Variants in CCDC181 observed in about 807,000 individuals in gnomAD.
CCDC181 encodes coiled-coil domain-containing protein 181.
In CCDC181, 35 loss-of-function variants were observed where a neutral mutation model predicts 58.7. That is an observed-to-expected ratio of 0.60 (90% confidence interval 0.46 to 0.79). The LOEUF (loss-of-function observed/expected upper bound fraction) is 0.79, where lower values mean the gene tolerates loss of function less well. Ranked by LOEUF, CCDC181 falls within the 30% of genes least tolerant of loss-of-function variation. CCDC181 has a pLI of 0.00. For synonymous variants in CCDC181, 183 were observed against 197.5 expected, an observed-to-expected ratio of 0.93 and a Z score of 0.62; for missense variants, 517 against 583.9, an observed-to-expected ratio of 0.89 and a Z score of 1.18.
At chr1:169,440,051 G>T (rs890360530) in intron 2 of CCDC181, among the ~76,000 whole-genome samples, 1 of 152,132 alleles carries the variant, frequency 6.6e-6, no homozygotes, top group Non-Finnish European at 1.5e-5. Flanking sequence ...GGCAACACTG[G>T]GATGTGAAAA....
intron 2 of CCDC181, among the ~76,000 whole-genome samples, chr1:169,439,581 G>A (rs1657153563): frequency 1.3e-5 from 2 of 152,146 alleles, no homozygotes; most frequent in African/African-American, 4.8e-5. Flanking sequence ...ACTCACAGTA[G>A]CATCTCGGGG....
At chr1:169,459,905 G>GAAAAAACAAAAAAAA (rs1553210867) in intron 1 of CCDC181, 2 of 75,196 alleles carry the variant, frequency 2.7e-5, no homozygotes, top group Admixed American at 1.6e-4. Context: ...TTGAAATTAG[G>GAAAAAACAAAAAAAA]AAAAAAAAAA....
At chr1:169,425,474 G>T (rs924470147) in intron 1 of CCDC181, among the ~76,000 whole-genome samples, 2 of 151,940 alleles carry the variant, frequency 1.3e-5, no homozygotes, top group Non-Finnish European at 2.9e-5. Flanking sequence ...ACACAAAATA[G>T]ATTTGCTAAA....
At chr1:169,428,922 A>G (rs1220031979), upstream of CCDC181, among the ~76,000 whole-genome samples, 1 of 152,022 alleles carries the variant, frequency 6.6e-6, no homozygotes, top group Non-Finnish European at 1.5e-5. Flanking sequence ...CTTAACCAAT[A>G]TGTAGTTTTT....
intron 4 of CCDC181, among the ~76,000 whole-genome samples, chr1:169,408,139 C>G (rs548987228): frequency 6.6e-6 from 1 of 152,212 alleles, no homozygotes; most frequent in Non-Finnish European, 1.5e-5. Context: ...ATCTCACCCC[C>G]ACAAAGCCCA....
chr1:169,435,984 A>G (rs998576253), intron 2 of CCDC181, among the ~76,000 whole-genome samples: 1 of 152,178 alleles, frequency 6.6e-6, no homozygotes, highest in Non-Finnish European at 1.5e-5. Context: ...AGTTATCTCA[A>G]CCACCTAAAA....
rs1657793669 is a variant in CCDC181 at position 169,459,894 on chromosome 1, T to C, written c.-91-30A>G. 2 of 90,496 alleles carry C rather than the reference T, an allele frequency of 2.2e-5. 1 individual carries two copies. The highest frequency in any genetic ancestry group is 6.1e-4 in the South Asian group (2 of 3,294). The allele number at this position is 90,496 out of a possible 1,614,324, so 5.6% of individuals were successfully genotyped here. ...GGGGAATAATGGTCAAGTTACGCAGTTTGAAATTAGGAAAAAAAAAAAAAA... is the reference window on the plus strand; with the variant it reads ...GGGGAATAATGGTCAAGTTACGCAGCTTGAAATTAGGAAAAAAAAAAAAAA... On this transcript the variant is annotated intron_variant, in intron 1 of 6. Coordinates refer to the CCDC181 transcript ENST00000545005.
intron 2 of CCDC181, among the ~76,000 whole-genome samples, chr1:169,446,190 A>C (rs1657368701): frequency 6.6e-6 from 1 of 152,188 alleles, no homozygotes; most frequent in South Asian, 2.1e-4. Flanking sequence ...TCACACCTAT[A>C]ATCCCAGCAC....
chr1:169,401,170 C>T (rs763238590), intron 4 of CCDC181, among the ~76,000 whole-genome samples: 5 of 152,240 alleles, frequency 3.3e-5, no homozygotes, highest in Non-Finnish European at 7.3e-5. Flanking sequence ...CTGGGTGGAG[C>T]TGACCACAGC....
chr1:169,451,734 AG>A (rs140553459), intron 2 of CCDC181, among the ~76,000 whole-genome samples: 12,924 of 149,138 alleles, frequency 0.087, 720 homozygotes, highest in Admixed American at 0.19. Context: ...CGCAATTTAA[AG>A]AAAAAAAAAA....
In CCDC181 at chr1:169,424,873, A is replaced by G; in HGVS notation, c.55T>C (p.Phe19Leu). ...SKKSEEYEDD[F>L]EKDLEWLINE... ...ATTAACCACTCCAGGTCCTTTTCAA[A>G]GTCATCTTCGTATTCTTCACTTTTC... Residue 19 changes from phenylalanine (F) to leucine (L), a missense_variant, in exon 2 of 6, where the codon TTT (phenylalanine) becomes CTT (leucine). Coordinates refer to ENST00000367806, the MANE Select transcript of CCDC181 (RefSeq NM_001300969.2). 6.2e-7 allele frequency: 1 copy of G among 1,609,532 alleles called. No homozygotes were observed. Among genetic ancestry groups the G allele is most frequent in the Non-Finnish European group, 8.5e-7 (1 of 1,176,666 alleles).
rs781461744 is a variant in CCDC181 at position 169,421,432 on chromosome 1, G to C, written c.999C>G (p.Tyr333Ter). 2.5e-6 allele frequency: 4 copies of C among 1,613,912 alleles called. No homozygotes were observed. The African/African-American group carries it at 4.0e-5, about 16-fold the overall frequency. The change falls in exon 3 of 6, where the codon TAC (tyrosine) becomes TAG (stop). Residue 333 changes from tyrosine (Y) to a stop codon, truncating the protein, a stop_gained. Coordinates refer to ENST00000367806, the MANE Select transcript of CCDC181 (RefSeq NM_001300969.2). LOFTEE classifies it high-confidence loss of function. ...GTTCTTTCTGTCGAGGGGAAAGACA[G>C]TATGTTGAAGTCACTGGTGAGATAT... Reference protein sequence around the residue: ...SAHISPVTSTYCLSPRQKELQ... With the variant: ...SAHISPVTST
intron 2 of CCDC181, among the ~76,000 whole-genome samples, chr1:169,458,601 TAA>T (rs942969920): frequency 3.3e-5 from 5 of 152,198 alleles, no homozygotes; most frequent in Admixed American, 3.3e-4. Context: ...TTTTAAATTC[TAA>T]AATATCTCTT....
At chr1:169,416,908 A>T (rs573862700) in intron 4 of CCDC181, among the ~76,000 whole-genome samples, 1 of 152,222 alleles carries the variant, frequency 6.6e-6, no homozygotes, top group Admixed American at 6.5e-5. Flanking sequence ...AGGAAAATAT[A>T]TAACATATAT....
At chr1:169,447,154 C>A (rs1265489857) in intron 2 of CCDC181, among the ~76,000 whole-genome samples, 1 of 152,076 alleles carries the variant, frequency 6.6e-6, no homozygotes, top group African/African-American at 2.4e-5. Flanking sequence ...GCTCTGTCAC[C>A]TAGGCTGGAG....
intron 5 of CCDC181, chr1:169,395,823 G>T (rs1571452929): frequency 6.7e-6 from 1 of 149,064 alleles, no homozygotes; most frequent in Non-Finnish European, 1.5e-5. Context: ...TGTGTATGTG[G>T]TATGTTTGTG....
At chr1:169,419,277 A>G in intron 3 of CCDC181, 118 bp from the exon 4 acceptor site, 1 of 1,251,106 alleles carries the variant, frequency 8.0e-7, no homozygotes, top group Non-Finnish European at 1.1e-6. Flanking sequence ...AAAACTTTCC[A>G]TCAGAAAACT....
At chr1:169,396,082 A>C (rs1351850646) in intron 5 of CCDC181, 1 of 152,210 alleles carries the variant, frequency 6.6e-6, no homozygotes, top group Non-Finnish European at 1.5e-5. Flanking sequence ...AGATTGCAGA[A>C]ATACAGTATG....
At chr1:169,398,764 A>G (rs1254150625) in intron 4 of CCDC181, among the ~76,000 whole-genome samples, 7 of 152,248 alleles carry the variant, frequency 4.6e-5, no homozygotes, top group Admixed American at 3.3e-4. Context: ...AGAAAGTTCT[A>G]TTGGACAGTG....
Sources: allele counts gnomAD v4.1 joint callset (sites outside exome capture counted in the v4.1 genomes callset), GRCh38; gene constraint gnomAD v4.1.1; transcripts MANE v1.5; gene names NCBI Gene and HGNC (gene_info 2026-07-23, HGNC 2026-07-21).